The following VWA2 variants were observed in gnomAD, a reference collection of about 807,000 sequenced individuals.
VWA2 encodes the protein von Willebrand factor A domain containing 2.
In VWA2, 73 loss-of-function variants were observed where a neutral mutation model predicts 70.4. That is an observed-to-expected ratio of 1.04 (90% confidence interval 0.86 to 1.26). VWA2 has a LOEUF of 1.26. VWA2 is among the 50% of genes most tolerant of loss of function. VWA2 has a pLI of 0.00. For missense variants in VWA2, 1,011 were observed against 998.5 expected (o/e 1.01, Z -0.17); for synonymous variants, 407 against 423.3 (o/e 0.96, Z 0.47).
rs932756436 is a variant in VWA2 at position 114,291,502 on chromosome 10, C to T, written c.*265C>T. 2.1e-6 allele frequency: 1 copy of T among 468,574 alleles called. No individual in the cohort carries two copies. The highest frequency in any genetic ancestry group is 3.8e-6 in the Non-Finnish European group (1 of 264,792). The allele number at this position is 468,574 out of a possible 1,614,324, so 29.0% of individuals were successfully genotyped here. A position where few individuals can be genotyped will look rare whatever the true frequency, so the allele number is the denominator to read the frequency against. On this transcript the variant is annotated 3_prime_UTR_variant, in exon 14 of 14. Transcript: ENST00000392982. ...AAAGTTTTGATGTGTAAGTAAATAC[C>T]CACTTTCTGTACCTGCTGTGCCTTG...
Position 114,284,914 on chromosome 10 carries a change from G to A in VWA2, c.941G>A (p.Gly314Glu). Residue 314 changes from glycine (G) to glutamate (E), a missense_variant, in exon 10 of 14, where the codon GGA becomes GAA. By Grantham distance (98) the Gly-to-Glu change is moderately conservative. Coordinates refer to ENST00000392982, the MANE Select transcript of VWA2 (RefSeq NM_001272046.2). ...CQNGGTCVPEGLDGYQCLCPL... is the reference protein window; with the variant it reads ...CQNGGTCVPEELDGYQCLCPL... ...AATGGAGGCACATGTGTTCCAGAAG[G>A]ACTGGACGGCTACCAGTGCCTCTGC... 3 of 1,605,676 alleles carry A rather than the reference G, an allele frequency of 1.9e-6. No individual in the cohort carries two copies. The highest frequency in any genetic ancestry group is 2.5e-6 in the Non-Finnish European group (3 of 1,177,324).
chr10:114,244,017 A>G (rs916545796), intron 1 of VWA2, among the ~76,000 whole-genome samples: 4 of 152,342 alleles, frequency 2.6e-5, no homozygotes, highest in African/African-American at 9.6e-5. Context: ...GAAGGGAACA[A>G]GGTGATGAGC....
At chr10:114,252,471 A>G (rs1254537914) in intron 2 of VWA2, among the ~76,000 whole-genome samples, 1 of 152,084 alleles carries the variant, frequency 6.6e-6, no homozygotes, top group East Asian at 1.9e-4. Flanking sequence ...CAGAGCTGGA[A>G]CCAGCCGAGG....
intron 10 of VWA2, among the ~76,000 whole-genome samples, chr10:114,285,542 C>T (rs1326644339): frequency 6.6e-6 from 1 of 152,180 alleles, no homozygotes; most frequent in Admixed American, 6.5e-5. Context: ...ACCTCACAAC[C>T]CTACCAGAAG....
intron 9 of VWA2, among the ~76,000 whole-genome samples, chr10:114,283,684 A>T (rs1183935467): frequency 6.6e-6 from 1 of 152,198 alleles, no homozygotes; most frequent in Non-Finnish European, 1.5e-5. Flanking sequence ...GTTCCTACCT[A>T]AGGTTGTGAC....
At chr10:114,277,257 C>G (rs2037867834) in intron 6 of VWA2, among the ~76,000 whole-genome samples, 4 of 142,432 alleles carry the variant, frequency 2.8e-5, no homozygotes, top group Admixed American at 1.4e-4. Context: ...AATCTCGGCT[C>G]ACTGCATCCT....
chr10:114,271,864 C>T (rs548058370), intron 5 of VWA2, among the ~76,000 whole-genome samples: 2 of 152,330 alleles, frequency 1.3e-5, no homozygotes, highest in South Asian at 4.1e-4. Flanking sequence ...GTAATTCCAT[C>T]AGCCTCACAT....
At chr10:114,263,805 A>G (rs1347099251) in intron 5 of VWA2, among the ~76,000 whole-genome samples, 1 of 152,222 alleles carries the variant, frequency 6.6e-6, no homozygotes, top group Non-Finnish European at 1.5e-5. Context: ...AGCAACTTTT[A>G]CCCTATTCTA....
At chr10:114,264,076 C>A (rs1403560585) in intron 5 of VWA2, among the ~76,000 whole-genome samples, 2 of 152,160 alleles carry the variant, frequency 1.3e-5, no homozygotes, top group Admixed American at 1.3e-4. Context: ...TGGTGCCTGC[C>A]ACATTGGAAA....
At chr10:114,272,144 T>C (rs1311661153) in intron 5 of VWA2, among the ~76,000 whole-genome samples, 1 of 152,166 alleles carries the variant, frequency 6.6e-6, no homozygotes, top group African/African-American at 2.4e-5. Context: ...CCACAGCAAA[T>C]AGAGGACCAT....
intron 1 of VWA2, among the ~76,000 whole-genome samples, chr10:114,244,705 G>A (rs1029075693): frequency 6.6e-6 from 1 of 152,210 alleles, no homozygotes; most frequent in African/African-American, 2.4e-5. Flanking sequence ...ATTTTGATAT[G>A]AGAGGGGAAT....
At chr10:114,252,743 C>T (rs866761886) in intron 2 of VWA2, among the ~76,000 whole-genome samples, 40 of 152,032 alleles carry the variant, frequency 2.6e-4, no homozygotes, top group East Asian at 9.7e-4. Flanking sequence ...GAACTATAGG[C>T]GCCCGCCAGC....
intron 5 of VWA2, among the ~76,000 whole-genome samples, chr10:114,264,003 A>AAT (rs1330351218): frequency 1.3e-5 from 2 of 152,238 alleles, no homozygotes; most frequent in Non-Finnish European, 2.9e-5. Context: ...ACTGACAAAA[A>AAT]CAAGTGTTGG....
In VWA2 at chr10:114,286,388, G is replaced by A. The variant is rs74943198; in HGVS notation, c.1447G>A (p.Val483Met). The change falls in exon 11 of 14, where the codon GTG becomes ATG. Residue 483 changes from valine (V) to methionine (M), a missense_variant. Val to Met is a conservative substitution (Grantham distance 21). Transcript: ENST00000392982. ...CCTGCTGGGTGTAGGCAGTGAGGCC[G>A]TGCGGGCAGAGCTGGAGGAGATCAC... ...LLLLGVGSEA[V>M]RAELEEITGS... 7,080 of 1,613,820 alleles carry A rather than the reference G, an allele frequency of 4.4e-3. 267 individuals carry two copies. In the African/African-American group the frequency reaches 0.082, roughly 19 times the overall value.
Position 114,289,142 on chromosome 10 carries a change from C to T in VWA2, c.1775C>T (p.Ala592Val), listed in dbSNP as rs1356201181. Reference protein sequence around the residue: ...AFGLDTKPTRAAMLRAISQAP... With the variant: ...AFGLDTKPTRVAMLRAISQAP... ...GGGCTGGACACCAAACCCACCCGGG[C>T]TGCGATGCTGCGGGCCATTAGCCAG... Residue 592 changes from alanine to valine, a missense_variant, in exon 12 of 14, where the codon GCT becomes GTT. Coordinates refer to ENST00000392982, the MANE Select transcript of VWA2 (RefSeq NM_001272046.2). 3.1e-6 allele frequency: 5 copies of T among 1,613,896 alleles called. No homozygotes were observed. Among genetic ancestry groups the T allele is most frequent in the Non-Finnish European group, 4.2e-6 (5 of 1,179,940 alleles).
rs2037915529 is a variant in VWA2 at position 114,278,849 on chromosome 10, C to T, written c.831C>T (p.Tyr277=). 1 of 1,612,956 alleles carries T rather than the reference C, an allele frequency of 6.2e-7. No individual in the cohort carries two copies. Among genetic ancestry groups the T allele is most frequent in the Non-Finnish European group, 8.5e-7 (1 of 1,180,022 alleles). ...TGCTGGCTGCACACTGTCCCTTCTA[C>T]AGGTTTGTCTGCGCGGTCTGGGCTC... The part of the protein sequence containing the change: ...LAVLAAHCPF[Y]SWKRVFLTHP... The change falls in exon 8 of 14, where the codon TAC becomes TAT. Residue 277 remains tyrosine (Y), a splice_region_variant and synonymous_variant. Coordinates refer to ENST00000392982, the MANE Select transcript of VWA2 (RefSeq NM_001272046.2).
rs756606308 is a variant in VWA2, at chr10:114,253,717, C to T, written c.119C>T (p.Ala40Val). Residue 40 changes from alanine to valine, a missense_variant, in exon 3 of 14, where the codon GCC becomes GTC. Ala to Val is a moderately conservative substitution (Grantham distance 64). Coordinates refer to ENST00000392982, the MANE Select transcript of VWA2 (RefSeq NM_001272046.2). Reference protein sequence around the residue: ...SKETIGKISAASKMMWCSAAV... With the variant: ...SKETIGKISAVSKMMWCSAAV... ...GAAACCATCGGGAAGATTTCAGCTG[C>T]CAGCAAAAGTAAGCCCAGGTTCTTC... 1.2e-6 allele frequency: 2 copies of T among 1,612,264 alleles called. No individual in the cohort carries two copies. Among genetic ancestry groups the T allele is most frequent in the Non-Finnish European group, 1.7e-6 (2 of 1,179,718 alleles).
Position 114,253,655 on chromosome 10 carries a change from C to T in VWA2, c.57C>T (p.Pro19=). The T allele has an allele frequency of 6.2e-7, 1 of 1,611,864 alleles. No individual in the cohort carries two copies. The highest frequency in any genetic ancestry group is 1.1e-5 in the South Asian group (1 of 90,960). The change falls in exon 3 of 14, where the codon CCC becomes CCT. Residue 19 remains proline, a synonymous_variant. Transcript: ENST00000392982. The part of the protein sequence containing the change: ...AVCVFLFSRV[P]PSLPLQEVHV... The stretch of plus-strand genomic sequence containing the variant: ...TTCTGGTGTTTTCTCTCCTAGTGCC[C>T]CCATCTCTCCCTCTCCAGGAAGTCC...
At chr10:114,262,916 G>A (rs2037476878) in intron 5 of VWA2, among the ~76,000 whole-genome samples, 1 of 152,182 alleles carries the variant, frequency 6.6e-6, no homozygotes, top group Non-Finnish European at 1.5e-5. Flanking sequence ...TTCTTACAGA[G>A]AACAGTCTCA....
Sources: gnomAD v4.1 joint callset for allele counts (sites outside exome capture counted in the v4.1 genomes callset) on GRCh38, gnomAD v4.1.1 for gene constraint, MANE v1.5 for transcripts, NCBI Gene and HGNC (gene_info 2026-07-23, HGNC 2026-07-21) for gene names.